The following EIF4E2 variants were observed in gnomAD, a reference collection of about 807,000 sequenced individuals.
EIF4E2 encodes eukaryotic translation initiation factor 4E type 2.
In EIF4E2, 13 loss-of-function variants were observed where a neutral mutation model predicts 34.2. The observed-to-expected ratio is 0.38, with a 90% CI of 0.25 to 0.60. The LOEUF (loss-of-function observed/expected upper bound fraction) is 0.60. Ranked by LOEUF, EIF4E2 falls within the 20% of genes least tolerant of loss-of-function variation. EIF4E2 has a pLI of 0.62. For missense variants in EIF4E2, 222 were observed against 315.1 expected (o/e 0.70, Z 2.24); for synonymous variants, 100 against 106.6 (o/e 0.94, Z 0.38).
At chr2:232,559,984 C>T (rs1692666395) in intron 3 of EIF4E2, among the ~76,000 whole-genome samples, 1 of 152,090 alleles carries the variant, frequency 6.6e-6, no homozygotes. Flanking sequence ...GAGATAGATC[C>T]TGTCTAAAAA....
intron 4 of EIF4E2, among the ~76,000 whole-genome samples, chr2:232,564,930 A>T (rs749674650): frequency 1.1e-4 from 17 of 152,336 alleles, no homozygotes; most frequent in Non-Finnish European, 1.9e-4. Context: ...TTTTGTTTTC[A>T]GTTACCTTTA....
At chr2:232,564,962 C>T (rs1256176071) in intron 4 of EIF4E2, among the ~76,000 whole-genome samples, 1 of 152,002 alleles carries the variant, frequency 6.6e-6, no homozygotes, top group South Asian at 2.1e-4. Context: ...CTTGTTTGTG[C>T]GTGTGTGTAA....
intron 3 of EIF4E2, among the ~76,000 whole-genome samples, chr2:232,560,199 C>A (rs1692675029): frequency 6.6e-6 from 1 of 152,136 alleles, no homozygotes; most frequent in Non-Finnish European, 1.5e-5. Context: ...TCATCGTATC[C>A]TTTGTTTATA....
intron 3 of EIF4E2, 134 bp downstream of exon 3, chr2:232,558,152 G>C: frequency 8.3e-7 from 1 of 1,197,742 alleles, no homozygotes; most frequent in South Asian, 1.6e-5. Context: ...AGTCTCCGGA[G>C]TCAGATTTGT....
chr2:232,559,853 T>C (rs1281469728), intron 3 of EIF4E2, among the ~76,000 whole-genome samples: 2 of 138,222 alleles, frequency 1.4e-5, no homozygotes, highest in Non-Finnish European at 3.0e-5. Context: ...AGGCTGGCCA[T>C]GTTGGCATGC....
intron 6 of EIF4E2, chr2:232,580,818 G>A (rs1693335581): frequency 8.1e-7 from 1 of 1,229,192 alleles, no homozygotes; most frequent in Admixed American, 2.1e-5. Context: ...GAGGGCTGAT[G>A]AGTCAGCATC....
At chr2:232,565,518 C>T (rs1692889749) in intron 4 of EIF4E2, among the ~76,000 whole-genome samples, 1 of 151,926 alleles carries the variant, frequency 6.6e-6, no homozygotes, top group South Asian at 2.1e-4. Flanking sequence ...CCTGTAATCC[C>T]AGCTACTCGG....
At chr2:232,558,072 A>G in intron 3 of EIF4E2, 54 bp downstream of exon 3, 2 of 1,587,112 alleles carry the variant, frequency 1.3e-6, no homozygotes, top group Non-Finnish European at 1.7e-6. Flanking sequence ...TCATGCCTGT[A>G]TTGATATGAT....
At chr2:232,571,799 C>T (rs1367018391), downstream of EIF4E2, among the ~76,000 whole-genome samples, 1 of 152,192 alleles carries the variant, frequency 6.6e-6, no homozygotes, top group Admixed American at 6.5e-5. Context: ...ACCAGGTTAC[C>T]CCAGCTTAAT....
chr2:232,561,970 T>TC (rs1247286209), intron 3 of EIF4E2, among the ~76,000 whole-genome samples: 1 of 151,884 alleles, frequency 6.6e-6, no homozygotes, highest in Non-Finnish European at 1.5e-5. Flanking sequence ...GTCCCAGCAC[T>TC]CAGGGAGGCC....
At chr2:232,567,408 G>A in intron 6 of EIF4E2, 194 bp downstream of exon 6, 2 of 1,398,534 alleles carry the variant, frequency 1.4e-6, no homozygotes, top group African/African-American at 1.5e-5. Context: ...ATACTACCAG[G>A]TGCTTTGTAG....
At chr2:232,569,408 A>G (rs758186421), downstream of EIF4E2, among the ~76,000 whole-genome samples, 15 of 152,212 alleles carry the variant, frequency 9.9e-5, no homozygotes, top group Admixed American at 3.9e-4. Context: ...ATAAGGTGAC[A>G]TCTAGCTTAG....
chr2:232,554,504 A>G (rs539135930), intron 1 of EIF4E2, among the ~76,000 whole-genome samples: 1 of 152,324 alleles, frequency 6.6e-6, no homozygotes, highest in South Asian at 2.1e-4. Context: ...CATACACACC[A>G]TAGATGCTTG....
chr2:232,582,926 C>G (rs904132433), exon 7 of EIF4E2: 1 of 152,174 alleles, frequency 6.6e-6, no homozygotes, highest in Non-Finnish European at 1.5e-5. Flanking sequence ...AACATACTGG[C>G]CCTAGGCTGG....
intron 3 of EIF4E2, among the ~76,000 whole-genome samples, chr2:232,559,465 C>CT (rs1397538521): frequency 6.7e-6 from 1 of 150,088 alleles, no homozygotes; most frequent in Non-Finnish European, 1.5e-5. Context: ...AAATAAAATG[C>CT]AGAAACTAGA....
intron 6 of EIF4E2, chr2:232,568,553 C>T (rs950955586): frequency 4.1e-6 from 4 of 985,310 alleles, no homozygotes; most frequent in African/African-American, 1.7e-5. Context: ...CTAGGATTCT[C>T]GTTTTCAAGG....
rs767507159 is a variant in EIF4E2, at chr2:232,550,762, G to A, written c.20+18G>A. On this transcript the variant is annotated intron_variant, in intron 1 of 6. Coordinates refer to ENST00000258416, the MANE Select transcript of EIF4E2 (RefSeq NM_004846.4). ...TTCGACGCGTGAGTGGCTCGTGGCC[G>A]CCCCCGGGGCCCCTTCCCCGAACAG... 5.8e-6 allele frequency: 9 copies of A among 1,555,368 alleles called. No individual in the cohort carries two copies. The Admixed American group carries it at 7.9e-5, about 14-fold the overall frequency.
chr2:232,565,646 G>GA (rs1158234829), intron 4 of EIF4E2, among the ~76,000 whole-genome samples: 57 of 148,568 alleles, frequency 3.8e-4, no homozygotes, highest in African/African-American at 1.2e-3. Context: ...AAAAAGAAAA[G>GA]AAAAAAAAAG....
downstream of EIF4E2, chr2:232,573,817 C>G (rs1340258174): frequency 5.9e-6 from 2 of 338,668 alleles, no homozygotes; most frequent in Non-Finnish European, 1.2e-5. Context: ...CATCATAATG[C>G]TGTTGGAAAC....
Sources: allele counts gnomAD v4.1 joint callset (sites outside exome capture counted in the v4.1 genomes callset), GRCh38; gene constraint gnomAD v4.1.1; transcripts MANE v1.5; gene names NCBI Gene and HGNC (gene_info 2026-07-23, HGNC 2026-07-21).